Variants in IL34 observed in about 807,000 individuals in gnomAD.
IL34 encodes the protein interleukin-34.
Under a neutral mutation model 25.3 loss-of-function variants are expected in IL34, and 17 were observed. That is an observed-to-expected ratio of 0.67 (90% CI 0.46 to 1.01). The LOEUF is 1.01. Ranked by LOEUF, IL34 falls within the 50% of genes least tolerant of loss-of-function variation. The pLI, the probability that IL34 is intolerant of heterozygous loss-of-function variation, is 0.00. For missense variants in IL34, 368 were observed against 312.9 expected (o/e 1.18, Z -1.33); for synonymous variants, 174 against 140.9 (o/e 1.23, Z -1.66).
Position 70,656,954 on chromosome 16 carries a change from C to A in IL34, c.241-6C>A, listed in dbSNP as rs1324061773. On this transcript the variant is annotated splice_region_variant and splice_polypyrimidine_tract_variant and intron_variant, in intron 3 of 5. Coordinates refer to ENST00000288098, the MANE Select transcript of IL34 (RefSeq NM_001393494.1). The stretch of plus-strand genomic sequence containing the variant: ...CCGAGTTGCAGTGACTTCCCTGTTT[C>A]CGCAGCAGAGGGCCCAGGTGAGCGA... The A allele has an allele frequency of 1.2e-6, 2 of 1,601,834 alleles. No homozygotes were observed. Among genetic ancestry groups the A allele is most frequent in the East Asian group, 2.2e-5 (1 of 44,718 alleles).
At chr16:70,657,988 C>T (rs1597783441) in intron 4 of IL34, among the ~76,000 whole-genome samples, 1 of 152,118 alleles carries the variant, frequency 6.6e-6, no homozygotes, top group South Asian at 2.1e-4. Flanking sequence ...TCTAAAATGC[C>T]TGAGTTGTAG....
intron 1 of IL34, among the ~76,000 whole-genome samples, chr16:70,624,613 C>T (rs1453256727): frequency 5.3e-5 from 8 of 152,072 alleles, no homozygotes; most frequent in East Asian, 1.9e-4. Flanking sequence ...AGAGCCTAAA[C>T]GCTATCTGAT....
In IL34 at chr16:70,607,901, G is replaced by A. The variant is rs371235948; in HGVS notation, c.-401+27852G>A. ...TCCTGCCTCAGCCTCCCTAGTTGTT[G>A]GGATTACAGGCGAGGGTCACCATGC... On this transcript the variant is annotated intron_variant, in intron 1 of 6. Coordinates refer to the IL34 transcript ENST00000429149. Among the ~76,000 whole-genome samples, 194 of 151,780 alleles carry A rather than the reference G, an allele frequency of 1.3e-3. 5 individuals carry two copies. The highest frequency in any genetic ancestry group is 4.2e-3 in the African/African-American group (176 of 41,414).
intron 4 of IL34, among the ~76,000 whole-genome samples, chr16:70,658,761 T>G (rs1237040894): frequency 1.3e-5 from 2 of 152,150 alleles, no homozygotes; most frequent in African/African-American, 4.8e-5. Flanking sequence ...TGAACCACCA[T>G]TCCTGGCCGT....
intron 1 of IL34, among the ~76,000 whole-genome samples, chr16:70,619,164 C>A (rs914661849): frequency 3.3e-5 from 5 of 152,050 alleles, no homozygotes; most frequent in African/African-American, 4.8e-5. Flanking sequence ...CTGTAGCAGA[C>A]GAGTGATAAC....
chr16:70,636,395 AACC>A (rs1478715816), intron 1 of IL34, among the ~76,000 whole-genome samples: 1 of 152,208 alleles, frequency 6.6e-6, no homozygotes, highest in East Asian at 1.9e-4. Context: ...CTAGAAACTT[AACC>A]ACATTTATTT....
In IL34 at chr16:70,659,987, T is replaced by C; in HGVS notation, c.539-10T>C. On this transcript the variant is annotated splice_polypyrimidine_tract_variant and intron_variant, in intron 5 of 5. Transcript: ENST00000288098. ...CTGCAGTCTTTTTTTTTTTCCCCTA[T>C]CTCTTGCAGGTAAACAAAGCTCCGT... 1 of 1,561,346 alleles carries C rather than the reference T, an allele frequency of 6.4e-7. No individual in the cohort carries two copies.
At chr16:70,653,377 A>C (rs985570210) in intron 1 of IL34, among the ~76,000 whole-genome samples, 1 of 150,566 alleles carries the variant, frequency 6.6e-6, no homozygotes, top group Admixed American at 6.6e-5. Context: ...CCAACAACCC[A>C]AAACCACAAA....
At chr16:70,587,563 G>A (rs1297602244) in intron 1 of IL34, among the ~76,000 whole-genome samples, 4 of 151,818 alleles carry the variant, frequency 2.6e-5, no homozygotes. Context: ...GAGCCACCGC[G>A]CCCCGCTGAC....
chr16:70,583,141 C>G (rs986532520), intron 1 of IL34, among the ~76,000 whole-genome samples: 21 of 152,068 alleles, frequency 1.4e-4, no homozygotes, highest in African/African-American at 4.8e-4. Flanking sequence ...GAGACGGAGT[C>G]TTGCTCTGTC....
intron 1 of IL34, among the ~76,000 whole-genome samples, chr16:70,631,695 G>C (rs1170716579): frequency 1.3e-5 from 2 of 152,052 alleles, no homozygotes; most frequent in Admixed American, 1.3e-4. Flanking sequence ...AAACCTTTAG[G>C]TTCTTGGTCA....
chr16:70,636,439 T>C (rs1210734476), intron 1 of IL34, among the ~76,000 whole-genome samples: 1 of 152,182 alleles, frequency 6.6e-6, no homozygotes, highest in African/African-American at 2.4e-5. Flanking sequence ...CTAGCATAAA[T>C]GGAAGATCCA....
chr16:70,598,806 G>C (rs186655497), intron 1 of IL34, among the ~76,000 whole-genome samples: 24 of 152,288 alleles, frequency 1.6e-4, no homozygotes, highest in African/African-American at 5.5e-4. Context: ...TTTTACTGAG[G>C]ACGATAGACG....
At chr16:70,582,809 C>T (rs750131139) in intron 1 of IL34, among the ~76,000 whole-genome samples, 1 of 152,218 alleles carries the variant, frequency 6.6e-6, no homozygotes, top group Non-Finnish European at 1.5e-5. Flanking sequence ...AGGCACACTG[C>T]CCCCTGCTGC....
chr16:70,654,991 A>G (rs1461773089), intron 2 of IL34, among the ~76,000 whole-genome samples: 1 of 152,138 alleles, frequency 6.6e-6, no homozygotes, highest in Non-Finnish European at 1.5e-5. Flanking sequence ...CCAGGGAGCT[A>G]AAGACCTAGA....
upstream of IL34, among the ~76,000 whole-genome samples, chr16:70,645,878 C>G (rs2051914422): frequency 6.6e-6 from 1 of 152,024 alleles, no homozygotes; most frequent in Non-Finnish European, 1.5e-5. Context: ...CATGGTGAAA[C>G]CCCATCTCTA....
chr16:70,636,912 T>A (rs2051665188), intron 1 of IL34, among the ~76,000 whole-genome samples: 1 of 151,910 alleles, frequency 6.6e-6, no homozygotes, highest in Non-Finnish European at 1.5e-5. Flanking sequence ...CGGGGTTTCG[T>A]TCTGTCGCCC....
intron 1 of IL34, among the ~76,000 whole-genome samples, chr16:70,615,367 C>A (rs1004677658): frequency 6.6e-6 from 1 of 151,960 alleles, no homozygotes; most frequent in Non-Finnish European, 1.5e-5. Context: ...ATTAGCTGGG[C>A]GTGGTGGTGC....
chr16:70,658,066 C>G (rs1480054247), intron 4 of IL34, among the ~76,000 whole-genome samples: 2 of 152,202 alleles, frequency 1.3e-5, no homozygotes, highest in Admixed American at 1.3e-4. Context: ...CCCGTCTCCA[C>G]CAGACCTCCT....
Sources: gnomAD v4.1 joint callset for allele counts (sites outside exome capture counted in the v4.1 genomes callset) on GRCh38, gnomAD v4.1.1 for gene constraint, MANE v1.5 for transcripts, NCBI Gene and HGNC (gene_info 2026-07-23, HGNC 2026-07-21) for gene names.